Variants in PLD5 observed in about 807,000 individuals in gnomAD.
PLD5 encodes inactive phospholipase D5.
In PLD5, 36 loss-of-function variants were observed where a neutral mutation model predicts 61.1. The observed-to-expected ratio is 0.59, with a 90% CI of 0.45 to 0.78. The LOEUF (loss-of-function observed/expected upper bound fraction) is 0.78. Ranked by LOEUF, PLD5 falls within the 30% of genes least tolerant of loss-of-function variation. The probability of loss-of-function intolerance (pLI) is 0.00; values close to 1 mark genes in which losing one functional copy is unlikely to be tolerated. For missense variants in PLD5, 515 were observed against 644.4 expected (o/e 0.80, Z 2.17); for synonymous variants, 243 against 242.8 (o/e 1.00, Z -0.01).
intron 1 of PLD5, among the ~76,000 whole-genome samples, chr1:242,426,740 C>G (rs1211665740): frequency 6.6e-6 from 1 of 152,208 alleles, no homozygotes; most frequent in East Asian, 1.9e-4. Flanking sequence ...ATAGCTTACA[C>G]AAATCTATTC....
intron 3 of PLD5, among the ~76,000 whole-genome samples, chr1:242,281,653 G>C (rs1674725238): frequency 6.6e-6 from 1 of 152,104 alleles, no homozygotes; most frequent in Admixed American, 6.5e-5. Context: ...ATAAATTTCA[G>C]GACAAATGGA....
chr1:242,504,764 T>A (rs757387864), intron 1 of PLD5, among the ~76,000 whole-genome samples: 17 of 152,204 alleles, frequency 1.1e-4, no homozygotes, highest in Non-Finnish European at 2.4e-4. Context: ...TTTTCCCAAA[T>A]ATTTTTTTTT....
chr1:242,442,396 G>A (rs1666317990), intron 1 of PLD5, among the ~76,000 whole-genome samples: 1 of 152,128 alleles, frequency 6.6e-6, no homozygotes, highest in South Asian at 2.1e-4. Context: ...CAGCATCCAG[G>A]TATTACGTCC....
intron 1 of PLD5, among the ~76,000 whole-genome samples, chr1:242,380,780 T>C (rs1261877274): frequency 6.6e-6 from 1 of 152,046 alleles, no homozygotes; most frequent in African/African-American, 2.4e-5. Context: ...GACATTCATG[T>C]GGCCAAATAT....
At chr1:242,325,515 G>A (rs2149193712) in intron 2 of PLD5, among the ~76,000 whole-genome samples, 1 of 152,060 alleles carries the variant, frequency 6.6e-6, no homozygotes, top group South Asian at 2.1e-4. Flanking sequence ...GAGAGAGTCA[G>A]AGAGAGTCAG....
intron 5 of PLD5, among the ~76,000 whole-genome samples, chr1:242,190,535 CACAA>C (rs924171876): frequency 1.3e-5 from 2 of 151,982 alleles, no homozygotes; most frequent in Non-Finnish European, 2.9e-5. Context: ...TCCTCCGCAT[CACAA>C]ACACTCATTC....
At chr1:242,482,915 C>A (rs939338881) in intron 1 of PLD5, among the ~76,000 whole-genome samples, 11 of 152,148 alleles carry the variant, frequency 7.2e-5, no homozygotes, top group East Asian at 1.9e-4. Context: ...AACATTCTTA[C>A]AGAAAATAAT....
At chr1:242,108,515 C>G (rs1329770240) in intron 7 of PLD5, among the ~76,000 whole-genome samples, 1 of 152,188 alleles carries the variant, frequency 6.6e-6, no homozygotes. Context: ...CGTGCATTTT[C>G]TACCATGACC....
At chr1:242,449,088 T>G (rs1666675388) in intron 1 of PLD5, among the ~76,000 whole-genome samples, 1 of 152,222 alleles carries the variant, frequency 6.6e-6, no homozygotes, top group African/African-American at 2.4e-5. Flanking sequence ...GAGGTCACCG[T>G]AGGACTGTCC....
At chr1:242,242,092 T>C (rs536930154) in intron 4 of PLD5, among the ~76,000 whole-genome samples, 38 of 148,580 alleles carry the variant, frequency 2.6e-4, no homozygotes, top group African/African-American at 9.5e-4. Context: ...AAATGATCAT[T>C]AAAAAATCCA....
chr1:242,473,290 A>G (rs992780896), intron 1 of PLD5, among the ~76,000 whole-genome samples: 2 of 152,184 alleles, frequency 1.3e-5, no homozygotes, highest in Non-Finnish European at 1.5e-5. Flanking sequence ...GACAAAAGAA[A>G]CTGGAGTCTG....
chr1:242,178,061 A>C (rs1484451030), intron 5 of PLD5, among the ~76,000 whole-genome samples: 2 of 152,236 alleles, frequency 1.3e-5, no homozygotes, highest in Non-Finnish European at 2.9e-5. Context: ...AATTGATAAC[A>C]AATGTACACA....
intron 2 of PLD5, among the ~76,000 whole-genome samples, chr1:242,315,777 G>A (rs943723258): frequency 2.6e-5 from 4 of 152,048 alleles, no homozygotes; most frequent in Non-Finnish European, 5.9e-5. Context: ...TTAATTTTTT[G>A]ATGCTCTCTG....
chr1:242,339,314 G>A (rs1394414098), intron 2 of PLD5, among the ~76,000 whole-genome samples: 1 of 151,990 alleles, frequency 6.6e-6, no homozygotes, highest in Non-Finnish European at 1.5e-5. Flanking sequence ...TCTATTCAGG[G>A]AAACAAACAA....
At chr1:242,266,539 G>A (rs1420665385) in intron 3 of PLD5, among the ~76,000 whole-genome samples, 3 of 152,162 alleles carry the variant, frequency 2.0e-5, no homozygotes, top group Non-Finnish European at 4.4e-5. Context: ...ATCATCCTTT[G>A]TATGTTTTAA....
intron 7 of PLD5, among the ~76,000 whole-genome samples, chr1:242,112,034 T>C (rs1291034844): frequency 2.0e-5 from 3 of 152,186 alleles, no homozygotes; most frequent in African/African-American, 7.2e-5. Context: ...ACAAAGGTTT[T>C]GTCAATCCTG....
chr1:242,300,975 G>C (rs1403926275), intron 2 of PLD5, among the ~76,000 whole-genome samples: 1 of 152,204 alleles, frequency 6.6e-6, no homozygotes, highest in African/African-American at 2.4e-5. Flanking sequence ...AAGGATGCTT[G>C]TGTGATGTCA....
At chr1:242,240,985 CAG>C (rs1671963576) in intron 4 of PLD5, among the ~76,000 whole-genome samples, 1 of 152,022 alleles carries the variant, frequency 6.6e-6, no homozygotes, top group Non-Finnish European at 1.5e-5. Context: ...CTGGGCAGAA[CAG>C]AAATTTAGAT....
At chr1:242,495,712 TCTCTAAC>T (rs1668348560) in intron 1 of PLD5, among the ~76,000 whole-genome samples, 1 of 152,200 alleles carries the variant, frequency 6.6e-6, no homozygotes, top group African/African-American at 2.4e-5. Context: ...TGATTTCTAA[TCTCTAAC>T]AATCACTGGT....
Sources: allele counts gnomAD v4.1 joint callset (sites outside exome capture counted in the v4.1 genomes callset), GRCh38; gene constraint gnomAD v4.1.1; transcripts MANE v1.5; gene names NCBI Gene and HGNC (gene_info 2026-07-23, HGNC 2026-07-21).